The following TBK1 variants were observed in gnomAD, a reference collection of about 807,000 sequenced individuals.
TBK1 encodes the protein serine/threonine-protein kinase TBK1.
In TBK1, 37 loss-of-function variants were observed where a neutral mutation model predicts 99.9. That is an observed-to-expected ratio of 0.37 (90% CI 0.28 to 0.49). The LOEUF (loss-of-function observed/expected upper bound fraction) is 0.49. Among genes scored for constraint, TBK1 ranks in the 20% least tolerant of loss-of-function variants. The pLI, the probability that TBK1 is intolerant of heterozygous loss-of-function variation, is 0.98. For missense variants in TBK1, 644 were observed against 872.5 expected (o/e 0.74, Z 3.30); for synonymous variants, 258 against 279.8 (o/e 0.92, Z 0.78).
chr12:64,466,732 C>T (rs905747743), intron 4 of TBK1, among the ~76,000 whole-genome samples, 169 bp from the exon 5 acceptor site: 3 of 147,416 alleles, frequency 2.0e-5, no homozygotes, highest in African/African-American at 7.7e-5. Flanking sequence ...TAAAACATAA[C>T]ATCTTTTATA....
chr12:64,458,947 T>C (rs754555873), intron 2 of TBK1, among the ~76,000 whole-genome samples: 1 of 152,178 alleles, frequency 6.6e-6, no homozygotes. Flanking sequence ...AAAGAATATA[T>C]ATCAATTTGT....
chr12:64,473,502 A>G (rs919981416), intron 5 of TBK1, among the ~76,000 whole-genome samples: 2 of 152,224 alleles, frequency 1.3e-5, no homozygotes, highest in African/African-American at 4.8e-5. Context: ...GCTGCATTAA[A>G]TAAGTGGGAT....
chr12:64,476,336 T>G (rs2040713696), intron 6 of TBK1, among the ~76,000 whole-genome samples: 1 of 151,818 alleles, frequency 6.6e-6, no homozygotes, highest in Non-Finnish European at 1.5e-5. Flanking sequence ...TTTTTGTATT[T>G]TTTAGTAGAG....
intron 5 of TBK1, among the ~76,000 whole-genome samples, chr12:64,471,583 C>T (rs887176575): frequency 7.9e-5 from 12 of 152,100 alleles, no homozygotes; most frequent in Admixed American, 2.0e-4. Flanking sequence ...AAACTCCTGA[C>T]CTCAAGCGAT....
In TBK1 at chr12:64,495,497, G is replaced by T. The variant is rs1366316235; in HGVS notation, c.1536G>T (p.Gln512His). 6.2e-7 allele frequency: 1 copy of T among 1,613,606 alleles called. No homozygotes were observed. The highest frequency in any genetic ancestry group is 1.3e-5 in the African/African-American group (1 of 74,892). The change falls in exon 14 of 21, where the codon CAG becomes CAT. Residue 512 changes from glutamine to histidine, a missense_variant. Gln to His is a conservative substitution (Grantham distance 24). Around this residue, in one of 3 missense-constraint regions of TBK1, gnomAD observed 465 missense variants for 588.0 expected, o/e 0.79. Transcript: ENST00000331710. Reference sequence around the variant, plus strand: ...GTTTTATTTAGCTTTCCAGTTCTCAGGGAACAATAGAAACCAGTCTTCAGG... The same window carrying T: ...GTTTTATTTAGCTTTCCAGTTCTCATGGAACAATAGAAACCAGTCTTCAGG... ...HTKLLRLSSS[Q>H]GTIETSLQDI... is the part of the protein sequence containing the mutation.
Position 64,495,522 on chromosome 12 carries a change from G to C in TBK1, c.1561G>C (p.Asp521His). 1 of 1,614,044 alleles carries C rather than the reference G, an allele frequency of 6.2e-7. No individual in the cohort carries two copies. The highest frequency in any genetic ancestry group is 8.5e-7 in the Non-Finnish European group (1 of 1,179,958). The change falls in exon 14 of 21, where the codon GAT (aspartate) becomes CAT (histidine). Residue 521 changes from aspartate (D) to histidine (H), a missense_variant. Transcript: ENST00000331710. ...GGGAACAATAGAAACCAGTCTTCAG[G>C]ATATCGACAGCAGATTATCTCCAGG... ...SQGTIETSLQ[D>H]IDSRLSPGGS... is the part of the protein sequence containing the mutation.
In TBK1 at chr12:64,489,884, G is replaced by GT. The variant is rs998290827; in HGVS notation, c.1443-147dup. Among the ~76,000 whole-genome samples, 480 of 146,492 alleles carry GT rather than the reference G, an allele frequency of 3.3e-3. 1 individual carries two copies. Among genetic ancestry groups the GT allele is most frequent in the African/African-American group, 9.6e-3 (385 of 39,948 alleles). Reference sequence around the variant, plus strand: ...AGCCACTGCACCTGGCCGGCATCAGGTTTTTTTTTTAACAATCTGCTGGCT... The same window carrying GT: ...AGCCACTGCACCTGGCCGGCATCAGGTTTTTTTTTTTAACAATCTGCTGGCT... On this transcript the variant is annotated intron_variant, in intron 12 of 20. Transcript: ENST00000331710.
rs1195699120 is a variant in TBK1, at chr12:64,455,840, T to C, written c.-31T>C. The C allele has an allele frequency of 1.3e-6, 2 of 1,567,192 alleles. No homozygotes were observed. Among genetic ancestry groups the C allele is most frequent in the South Asian group, 2.3e-5 (2 of 85,252 alleles). On this transcript the variant is annotated splice_region_variant and 5_prime_UTR_variant, in exon 2 of 21. Transcript: ENST00000331710. ...GTTGCAAATTTTTTTTTTCTCTTAG[T>C]ATAACAAGAGGATTGCCTGATCCAG...
At chr12:64,486,357 G>C (rs2040819865) in intron 11 of TBK1, among the ~76,000 whole-genome samples, 2 of 152,104 alleles carry the variant, frequency 1.3e-5, no homozygotes, top group African/African-American at 2.4e-5. Context: ...GTACTTTCTA[G>C]CATTTAAGTC....
At chr12:64,469,110 G>A (rs916139975) in intron 5 of TBK1, among the ~76,000 whole-genome samples, 5 of 152,056 alleles carry the variant, frequency 3.3e-5, no homozygotes, top group African/African-American at 1.2e-4. Context: ...TTGTGATACA[G>A]TGAACTCCCT....
At chr12:64,465,257 A>AC (rs1555202828) in intron 4 of TBK1, among the ~76,000 whole-genome samples, 2 of 150,884 alleles carry the variant, frequency 1.3e-5, no homozygotes, top group Non-Finnish European at 3.0e-5. Context: ...AAAAAAAAAA[A>AC]AAAAAAACAA....
Position 64,502,091 on chromosome 12 carries a change from T to A in TBK1, c.*710T>A, listed in dbSNP as rs1371421273. ...CTGCTTACTATTTCATGGAAAAAAA[T>A]AAATTTCTCAATTTTAATGTAAAGA... On this transcript the variant is annotated 3_prime_UTR_variant, in exon 21 of 21. Transcript: ENST00000331710. The A allele has an allele frequency of 6.6e-6, 1 of 152,574 alleles. No homozygotes were observed. The highest frequency in any genetic ancestry group is 1.5e-5 in the Non-Finnish European group (1 of 68,026). 9.5% of individuals were successfully genotyped at this position (152,574 alleles called of 1,614,324 possible).
At chr12:64,474,764 A>G (rs2040695407) in intron 6 of TBK1, among the ~76,000 whole-genome samples, 1 of 152,236 alleles carries the variant, frequency 6.6e-6, no homozygotes. Context: ...AATCATTACC[A>G]GATCTAAAAC....
In TBK1 at chr12:64,484,308, C is replaced by T. The variant is rs1280093999; in HGVS notation, c.998C>T (p.Thr333Ile). 4 of 1,606,940 alleles carry T rather than the reference C, an allele frequency of 2.5e-6. No homozygotes were observed. Among genetic ancestry groups the T allele is most frequent in the Non-Finnish European group, 3.4e-6 (4 of 1,175,612 alleles). Residue 333 changes from threonine (T) to isoleucine (I), a missense_variant, in exon 9 of 21, where the codon ACT (threonine) becomes ATT (isoleucine). Thr to Ile is a moderately conservative substitution (Grantham distance 89). Coordinates refer to ENST00000331710, the MANE Select transcript of TBK1 (RefSeq NM_013254.4). ...TTTGAATTTTTCTCACACAGTGCTA[C>T]TATATTTCATGAACTGGTATATAAA... ...KIYIHSYNTATIFHELVYKQT... is the reference protein window; with the variant it reads ...KIYIHSYNTAIIFHELVYKQT...
intron 4 of TBK1, 71 bp from the exon 5 acceptor site, chr12:64,466,830 A>G (rs1439336172): frequency 8.0e-6 from 10 of 1,252,842 alleles, no homozygotes; most frequent in Admixed American, 2.9e-5. Context: ...GACTATATCA[A>G]TGAATTTGAG....
intron 5 of TBK1, among the ~76,000 whole-genome samples, chr12:64,468,077 A>T (rs910349560): frequency 6.6e-6 from 1 of 152,004 alleles, no homozygotes; most frequent in African/African-American, 2.4e-5. Flanking sequence ...ACACCCAGCT[A>T]CTCAGGAGGC....
At chr12:64,493,956 A>G (rs2040899119) in intron 13 of TBK1, among the ~76,000 whole-genome samples, 1 of 152,150 alleles carries the variant, frequency 6.6e-6, no homozygotes, top group Admixed American at 6.5e-5. Flanking sequence ...TCTTAATGAT[A>G]TGATGTTGCA....
At chr12:64,461,295 A>G (rs1390744875) in intron 3 of TBK1, among the ~76,000 whole-genome samples, 1 of 152,160 alleles carries the variant, frequency 6.6e-6, no homozygotes, top group Non-Finnish European at 1.5e-5. Context: ...CAATTATAAA[A>G]GAATTGATTT....
chr12:64,465,076 T>C (rs1467744416), intron 4 of TBK1, among the ~76,000 whole-genome samples: 9 of 150,540 alleles, frequency 6.0e-5, no homozygotes, highest in Non-Finnish European at 1.5e-5. Context: ...AGCCCCTGTC[T>C]CTACAAAAAA....
Sources: allele counts gnomAD v4.1 joint callset (sites outside exome capture counted in the v4.1 genomes callset), GRCh38; gene constraint gnomAD v4.1.1; regional missense constraint gnomAD v4.1.1; transcripts MANE v1.5; gene names NCBI Gene and HGNC (gene_info 2026-07-23, HGNC 2026-07-21).